The following MYO10 variants were observed in gnomAD, a reference collection of about 807,000 sequenced individuals.
The protein encoded by MYO10 is unconventional myosin-X.
In MYO10, 133 loss-of-function variants were observed where a neutral mutation model predicts 257.3. That is an observed-to-expected ratio of 0.52 (90% CI 0.45 to 0.60). MYO10 has a LOEUF of 0.60. Among genes scored for constraint, MYO10 ranks in the 20% least tolerant of loss-of-function variants. The pLI is 0.00. For missense variants in MYO10, 2,399 were observed against 2,635.7 expected, an observed-to-expected ratio of 0.91 and a Z score of 1.97; for synonymous variants, 1,104 against 1,028.6, an observed-to-expected ratio of 1.07 and a Z score of -1.40.
chr5:16,856,048 C>T (rs899291440), intron 2 of MYO10, among the ~76,000 whole-genome samples: 2 of 152,152 alleles, frequency 1.3e-5, no homozygotes, highest in African/African-American at 4.8e-5. Flanking sequence ...ACACAGGCCA[C>T]GAGCTGAATT....
intron 1 of MYO10, among the ~76,000 whole-genome samples, chr5:16,923,845 T>G (rs536910837): frequency 1.3e-5 from 2 of 152,162 alleles, no homozygotes; most frequent in African/African-American, 4.8e-5. Context: ...ATCCCAGCAC[T>G]TTAGGAGGCC....
intron 2 of MYO10, among the ~76,000 whole-genome samples, chr5:16,851,877 C>G (rs912204728): frequency 2.0e-5 from 3 of 151,574 alleles, no homozygotes; most frequent in Non-Finnish European, 2.9e-5. Flanking sequence ...ATGATGAAAC[C>G]CTGTCCGTAC....
rs1039460491 is a variant in MYO10, at chr5:16,702,534, A to C, written c.2556+9T>G. ...ACACAAGAGGCTAAGTTGTCACTGC[A>C]CTCATTACCTGCTGGGCGCGGAGCT... On this transcript the variant is annotated intron_variant, in intron 24 of 40. Coordinates refer to ENST00000513610, the MANE Select transcript of MYO10 (RefSeq NM_012334.3). 3.3e-5 allele frequency: 52 copies of C among 1,589,218 alleles called. No individual in the cohort carries two copies. Among genetic ancestry groups the C allele is most frequent in the Non-Finnish European group, 4.5e-5 (52 of 1,167,088 alleles).
chr5:16,670,748 C>T lies in MYO10; in HGVS notation c.5661G>A (p.Gly1887=), dbSNP rs368470812. ...LEKRRTSFLE[G]TLRRSFRTGS... ...CTGTCCGGAAGCTCCGCCTCAGGGT[C>T]CCCTCTAGGAAGCTCGTCCGCCTCT... Residue 1887 remains glycine (G), a synonymous_variant, in exon 39 of 41, where the codon GGG becomes GGA. Transcript: ENST00000513610. 1.9e-5 allele frequency: 30 copies of T among 1,613,908 alleles called. No homozygotes were observed. Among genetic ancestry groups the T allele is most frequent in the African/African-American group, 9.3e-5 (7 of 74,924 alleles).
At chr5:16,926,527 C>T (rs1746137138) in intron 1 of MYO10, among the ~76,000 whole-genome samples, 1 of 152,070 alleles carries the variant, frequency 6.6e-6, no homozygotes, top group South Asian at 2.1e-4. Flanking sequence ...CATGATGAAA[C>T]CCCGTCTCTA....
intron 18 of MYO10, among the ~76,000 whole-genome samples, chr5:16,756,499 A>T (rs1333136301): frequency 6.6e-6 from 1 of 152,158 alleles, no homozygotes; most frequent in Admixed American, 6.5e-5. Flanking sequence ...TTCTTCTCAT[A>T]ATCTTGTTGA....
At chr5:16,834,417 G>A (rs1176263705) in intron 2 of MYO10, among the ~76,000 whole-genome samples, 1 of 152,134 alleles carries the variant, frequency 6.6e-6, no homozygotes, top group Admixed American at 6.5e-5. Flanking sequence ...GTCTACAATA[G>A]CAGGGGGTGC....
chr5:16,917,774 C>T (rs249124), intron 1 of MYO10, among the ~76,000 whole-genome samples: 89 of 151,908 alleles, frequency 5.9e-4, no homozygotes, highest in Non-Finnish European at 1.1e-3. Context: ...CTCAAAAGGC[C>T]GAACGGGGGA....
At chr5:16,672,497 A>G (rs901969086) in intron 37 of MYO10, among the ~76,000 whole-genome samples, 192 bp downstream of exon 37, 1 of 152,236 alleles carries the variant, frequency 6.6e-6, no homozygotes, top group African/African-American at 2.4e-5. Flanking sequence ...TACATCACGT[A>G]AGACCGTAGC....
At chr5:16,730,853 G>A (rs962712512) in intron 19 of MYO10, among the ~76,000 whole-genome samples, 1 of 152,156 alleles carries the variant, frequency 6.6e-6, no homozygotes, top group Non-Finnish European at 1.5e-5. Flanking sequence ...ACGCTGCGGA[G>A]GATGGAAGGT....
At chr5:16,692,796 A>G (rs1427939567) in intron 27 of MYO10, among the ~76,000 whole-genome samples, 2 of 152,208 alleles carry the variant, frequency 1.3e-5, no homozygotes, top group African/African-American at 4.8e-5. Flanking sequence ...GGTGACAGAA[A>G]TGGCTGAATA....
Position 16,701,468 on chromosome 5 carries a change from C to T in MYO10, c.2927G>A (p.Cys976Tyr). Reference sequence around the variant, plus strand: ...GAAGTTGAAGTTGGGCTTCTCCTCGCATGCGCTCTCAGCCAGCTCGCTGGA... The same window carrying T: ...GAAGTTGAAGTTGGGCTTCTCCTCGTATGCGCTCTCAGCCAGCTCGCTGGA... ...EFSSELAESA[C>Y]EEKPNFNFSQ... Residue 976 changes from cysteine (C) to tyrosine (Y), a missense_variant, in exon 25 of 41, where the codon TGC becomes TAC. Physicochemically the swap from Cys to Tyr is radical, Grantham distance 194. Transcript: ENST00000513610. The surrounding 1 kb of genome is among the most constrained non-coding windows in gnomAD (Gnocchi z 8.1). The T allele has an allele frequency of 6.2e-7, 1 of 1,613,996 alleles. No individual in the cohort carries two copies.
At chr5:16,804,510 C>A (rs1369631700) in intron 3 of MYO10, among the ~76,000 whole-genome samples, 1 of 152,208 alleles carries the variant, frequency 6.6e-6, no homozygotes, top group African/African-American at 2.4e-5. Flanking sequence ...CACTTCTGAA[C>A]CTGCTAAAAC....
intron 2 of MYO10, among the ~76,000 whole-genome samples, chr5:16,859,128 G>A (rs977244626): frequency 6.6e-6 from 1 of 152,150 alleles, no homozygotes; most frequent in African/African-American, 2.4e-5. Context: ...GGAGTAGAGT[G>A]GAACAAGCTG....
At chr5:16,834,041 C>A (rs1380639891) in intron 2 of MYO10, among the ~76,000 whole-genome samples, 2 of 152,114 alleles carry the variant, frequency 1.3e-5, no homozygotes, top group African/African-American at 4.8e-5. Flanking sequence ...CATTGTTTCA[C>A]CTGCCAAGCT....
chr5:16,797,369 G>C (rs1362125159), intron 3 of MYO10, among the ~76,000 whole-genome samples: 1 of 151,946 alleles, frequency 6.6e-6, no homozygotes, highest in East Asian at 1.9e-4. Context: ...TCTGGATAAG[G>C]GTTACTCAAC....
chr5:16,668,070 G>A (rs866339176), intron 40 of MYO10, among the ~76,000 whole-genome samples: 1 of 152,078 alleles, frequency 6.6e-6, no homozygotes, highest in Non-Finnish European at 1.5e-5. Context: ...TTCCTCTGTT[G>A]CAAAAGTATA....
chr5:16,702,734 A>G, intron 23 of MYO10, 146 bp from the exon 24 acceptor site: 1 of 927,324 alleles, frequency 1.1e-6, no homozygotes, highest in East Asian at 2.6e-5. Context: ...TTTATTCTGT[A>G]TGAATAAAAA....
intron 1 of MYO10, among the ~76,000 whole-genome samples, chr5:16,887,361 C>T (rs555588310): frequency 6.6e-6 from 1 of 152,222 alleles, no homozygotes; most frequent in Non-Finnish European, 1.5e-5. Flanking sequence ...CCCACACTTC[C>T]AATCAAAATC....
Sources: gnomAD v4.1 joint callset for allele counts (sites outside exome capture counted in the v4.1 genomes callset) on GRCh38, gnomAD v4.1.1 for gene constraint, Gnocchi (gnomAD v3.1) non-coding constraint, MANE v1.5 for transcripts, NCBI Gene and HGNC (gene_info 2026-07-23, HGNC 2026-07-21) for gene names.